Variants in UBE2F observed in about 807,000 individuals in gnomAD.
The protein encoded by UBE2F is NEDD8-conjugating enzyme UBE2F.
Under a neutral mutation model 29.6 loss-of-function variants are expected in UBE2F, and 5 were observed. That is an observed-to-expected ratio of 0.17 (90% CI 0.09 to 0.36). UBE2F has a LOEUF of 0.36. UBE2F is among the 10% of genes least tolerant of loss of function. UBE2F has a pLI of 1.00. For synonymous variants in UBE2F, 66 were observed against 81.8 expected (o/e 0.81, Z 1.04); for missense variants, 141 against 228.5 (o/e 0.62, Z 2.47).
chr2:237,970,539 A>G (rs139475806), intron 1 of UBE2F, among the ~76,000 whole-genome samples: 5 of 152,232 alleles, frequency 3.3e-5, no homozygotes, highest in Non-Finnish European at 5.9e-5. Flanking sequence ...GTCCATTCCA[A>G]CTTTGCAATT....
chr2:238,001,214 G>C (rs1048712873), intron 4 of UBE2F, among the ~76,000 whole-genome samples: 1 of 151,772 alleles, frequency 6.6e-6, no homozygotes, highest in Non-Finnish European at 1.5e-5. Context: ...TGTATTTTTA[G>C]TAAAGACAAG....
At chr2:238,007,835 G>A (rs1054161217) in intron 4 of UBE2F, among the ~76,000 whole-genome samples, 1 of 152,074 alleles carries the variant, frequency 6.6e-6, no homozygotes, top group African/African-American at 2.4e-5. Flanking sequence ...AGGGATATTT[G>A]TAGTTTTTTT....
chr2:237,974,521 T>TG lies in UBE2F; in HGVS notation c.118+1296_118+1297insG, dbSNP rs770293901. 1.1e-3 allele frequency among the ~76,000 whole-genome samples: 161 copies of TG among 143,242 alleles called. 2 individuals are homozygous for TG. In the East Asian group the frequency reaches 0.019, roughly 17 times the overall value. The allele number at this position is 143,242 out of a possible 152,430, so 94.0% of individuals were successfully genotyped here. ...TTGTGGTTTTTTTTTTTTTGTTTTT[T>TG]TTTTTTTTTTGAGATGGAGTCTCGC... On this transcript the variant is annotated intron_variant, in intron 2 of 9. Transcript: ENST00000272930.
At chr2:237,994,374 G>T (rs1010873653) in intron 3 of UBE2F, among the ~76,000 whole-genome samples, 1 of 152,004 alleles carries the variant, frequency 6.6e-6, no homozygotes, top group East Asian at 1.9e-4. Flanking sequence ...TGGTTTTTTC[G>T]TGTTTAGTTA....
chr2:238,008,114 T>C (rs747302447), intron 4 of UBE2F, among the ~76,000 whole-genome samples: 17 of 152,172 alleles, frequency 1.1e-4, no homozygotes, highest in Middle Eastern at 3.4e-3. Flanking sequence ...TCGTCTGTAG[T>C]GGGCAGATGC....
At chr2:238,036,417 C>T (rs1285570039) in intron 9 of UBE2F, among the ~76,000 whole-genome samples, 1 of 152,034 alleles carries the variant, frequency 6.6e-6, no homozygotes, top group Admixed American at 6.5e-5. Context: ...TGGCCTCAAG[C>T]AATCCTCCTG....
intron 4 of UBE2F, among the ~76,000 whole-genome samples, chr2:238,009,817 T>A (rs2063978962): frequency 6.6e-6 from 1 of 152,214 alleles, no homozygotes; most frequent in Non-Finnish European, 1.5e-5. Context: ...TTGCATAGGA[T>A]GTCACTTCCA....
chr2:237,968,581 C>G (rs1255046691), intron 1 of UBE2F, among the ~76,000 whole-genome samples: 1 of 152,142 alleles, frequency 6.6e-6, no homozygotes, highest in Non-Finnish European at 1.5e-5. Flanking sequence ...CTGACTGGCC[C>G]CTGGTGTCCC....
Position 238,041,339 on chromosome 2 carries a change from T to TA in UBE2F, c.*5dup, listed in dbSNP as rs1161855173. ...CTACATCAAACGTTATGCCAGATGA[T>TA]AAAAGGGGACGATTGCAGGCCCATG... On this transcript the variant is annotated 3_prime_UTR_variant, in exon 10 of 10. Transcript: ENST00000272930. The TA allele has an allele frequency of 3.1e-6, 5 of 1,613,740 alleles. No homozygotes were observed. In the Admixed American group the frequency reaches 6.7e-5, roughly 22 times the overall value.
intron 2 of UBE2F, among the ~76,000 whole-genome samples, chr2:237,983,816 C>T (rs976553361): frequency 6.6e-6 from 1 of 152,198 alleles, no homozygotes; most frequent in Admixed American, 6.5e-5. Context: ...TGTGCTCTTT[C>T]ACTGAATCAC....
At chr2:238,010,471 C>T (rs2063999709) in intron 4 of UBE2F, among the ~76,000 whole-genome samples, 1 of 152,160 alleles carries the variant, frequency 6.6e-6, no homozygotes, top group African/African-American at 2.4e-5. Flanking sequence ...GTGCCCGGCC[C>T]AGAGCTCACT....
chr2:237,977,199 G>GC (rs1182365724), intron 2 of UBE2F, among the ~76,000 whole-genome samples: 1 of 151,692 alleles, frequency 6.6e-6, no homozygotes, highest in Non-Finnish European at 1.5e-5. Context: ...CTGACCTTGT[G>GC]CAACCCATCA....
chr2:238,002,357 G>A (rs2063813053), intron 4 of UBE2F, among the ~76,000 whole-genome samples: 2 of 152,274 alleles, frequency 1.3e-5, no homozygotes, highest in East Asian at 1.9e-4. Flanking sequence ...CCATGCTGGT[G>A]CGCTGCACCC....
chr2:237,981,608 T>C (rs1301377964), intron 2 of UBE2F, among the ~76,000 whole-genome samples: 1 of 139,342 alleles, frequency 7.2e-6, no homozygotes, highest in Non-Finnish European at 1.5e-5. Flanking sequence ...TCTTGGAATT[T>C]GAATTCTTTT....
chr2:238,023,494 A>G (rs1194215105), intron 5 of UBE2F, among the ~76,000 whole-genome samples: 1 of 152,126 alleles, frequency 6.6e-6, no homozygotes, highest in Non-Finnish European at 1.5e-5. Flanking sequence ...TTATACAAAT[A>G]AATAAAAAGA....
intron 4 of UBE2F, 55 bp from the exon 5 acceptor site, chr2:238,016,511 T>G: frequency 2.0e-6 from 3 of 1,491,838 alleles, no homozygotes; most frequent in South Asian, 2.4e-5. Context: ...GCTTTTTGTT[T>G]CCTTTTTTTT....
In UBE2F at chr2:237,996,066, G is replaced by A. The variant is rs191348742; in HGVS notation, c.214+1257G>A. On this transcript the variant is annotated intron_variant, in intron 4 of 9. Transcript: ENST00000272930. ...ACTGTGAAATGATGAAAACTCTAAC[G>A]ATCCTTTGGCTGCCTTCCTAAAACA... Among the ~76,000 whole-genome samples the A allele has an allele frequency of 2.0e-5, 3 of 152,248 alleles. No homozygotes were observed. The East Asian group carries it at 5.8e-4, about 29-fold the overall frequency.
chr2:238,021,905 CCT>C (rs2064303118), intron 5 of UBE2F, among the ~76,000 whole-genome samples: 1 of 152,144 alleles, frequency 6.6e-6, no homozygotes, highest in Non-Finnish European at 1.5e-5. Flanking sequence ...TGTCTGTCTG[CCT>C]CTTTCCTCTG....
At chr2:238,033,143 G>T (rs1429884745) in intron 8 of UBE2F, among the ~76,000 whole-genome samples, 1 of 152,182 alleles carries the variant, frequency 6.6e-6, no homozygotes, top group Non-Finnish European at 1.5e-5. Context: ...TGGTTACCCA[G>T]CCTTGAGGGC....
Sources: gnomAD v4.1 joint callset for allele counts (sites outside exome capture counted in the v4.1 genomes callset) on GRCh38, gnomAD v4.1.1 for gene constraint, MANE v1.5 for transcripts, NCBI Gene and HGNC (gene_info 2026-07-23, HGNC 2026-07-21) for gene names.